Variants in CC2D2B observed in about 807,000 individuals in gnomAD.
CC2D2B encodes the protein coiled-coil and C2 domain containing 2B, also known as protein CC2D2B.
CC2D2B carries 128 observed loss-of-function variants against 161.2 expected under a neutral mutation model. That is an observed-to-expected ratio of 0.79 (90% CI 0.69 to 0.92). The LOEUF is 0.92. Among genes scored for constraint, CC2D2B ranks in the 40% least tolerant of loss-of-function variants. The pLI, the probability that CC2D2B is intolerant of heterozygous loss-of-function variation, is 0.00. For missense variants in CC2D2B, 1,173 were observed against 1,375.1 expected, an observed-to-expected ratio of 0.85 and a Z score of 2.32; for synonymous variants, 391 against 449.8, an observed-to-expected ratio of 0.87 and a Z score of 1.65.
intron 24 of CC2D2B, among the ~76,000 whole-genome samples, chr10:95,997,576 C>A (rs1487977636): frequency 6.6e-6 from 1 of 151,964 alleles, no homozygotes; most frequent in African/African-American, 2.4e-5. Flanking sequence ...TTTTGTAGCA[C>A]TAGGGTCTCA....
intron 25 of CC2D2B, among the ~76,000 whole-genome samples, chr10:96,005,414 C>T (rs925060845): frequency 2.0e-5 from 3 of 152,020 alleles, no homozygotes; most frequent in Non-Finnish European, 4.4e-5. Flanking sequence ...TCTTGTCCTC[C>T]TCTCATGGAC....
chr10:95,917,734 T>A (rs1266633630), intron 2 of CC2D2B, among the ~76,000 whole-genome samples: 3 of 152,212 alleles, frequency 2.0e-5, no homozygotes, highest in African/African-American at 7.2e-5. Flanking sequence ...TTGTTTCTAT[T>A]TATATCTTCT....
chr10:96,029,264 A>ATATATG (rs2079934761), intron 34 of CC2D2B, among the ~76,000 whole-genome samples: 1 of 60,484 alleles, frequency 1.7e-5, no homozygotes, highest in African/African-American at 9.4e-5. Flanking sequence ...ATATATATAT[A>ATATATG]TATATATATA....
At chr10:95,947,043 A>T (rs565116443) in intron 9 of CC2D2B, among the ~76,000 whole-genome samples, 1 of 145,026 alleles carries the variant, frequency 6.9e-6, no homozygotes, top group African/African-American at 2.5e-5. Context: ...GCACATGCAT[A>T]TTCAAACATG....
At chr10:95,978,992 G>C (rs1046229774) in intron 17 of CC2D2B, among the ~76,000 whole-genome samples, 2 of 152,120 alleles carry the variant, frequency 1.3e-5, no homozygotes, top group African/African-American at 4.8e-5. Flanking sequence ...TCATTAAAAT[G>C]TGTTTGGCAG....
intron 30 of CC2D2B, 75 bp from the exon 31 acceptor site, chr10:96,019,128 A>G (rs1742689996): frequency 3.1e-6 from 4 of 1,271,134 alleles, no homozygotes; most frequent in Middle Eastern, 2.7e-4. Flanking sequence ...TAAAAATTAG[A>G]ATCATCACAG....
intron 14 of CC2D2B, among the ~76,000 whole-genome samples, chr10:95,967,115 C>T (rs2076965781): frequency 6.6e-6 from 1 of 152,058 alleles, no homozygotes; most frequent in Admixed American, 6.6e-5. Context: ...TGAATGGATG[C>T]TTACATTAAC....
Position 96,000,145 on chromosome 10 carries a change from T to C in CC2D2B, c.2849+3893T>C, listed in dbSNP as rs2078413540. ...GATGTCTACAATATCACCTTTCTTA[T>C]AGATTCGCATATACATGGCCAAAGG... On this transcript the variant is annotated intron_variant, in intron 24 of 34. Transcript: ENST00000646931. The C allele has an allele frequency of 2.2e-5, 32 of 1,470,504 alleles. 1 individual carries two copies. The South Asian group carries it at 2.7e-4, about 12-fold the overall frequency. The allele number at this position is 1,470,504 out of a possible 1,614,324, so 91.1% of individuals were successfully genotyped here.
At chr10:95,988,602 T>C (rs2077825491) in intron 20 of CC2D2B, among the ~76,000 whole-genome samples, 1 of 152,174 alleles carries the variant, frequency 6.6e-6, no homozygotes, top group Non-Finnish European at 1.5e-5. Flanking sequence ...TCCCATCTCT[T>C]CTTTGACTCT....
intron 34 of CC2D2B, among the ~76,000 whole-genome samples, chr10:96,030,019 C>T (rs560659817): frequency 2.0e-5 from 3 of 152,114 alleles, no homozygotes; most frequent in Admixed American, 2.0e-4. Context: ...CACTATATTG[C>T]CCAGACTGGT....
chr10:95,917,860 C>T (rs2098519496), intron 2 of CC2D2B, among the ~76,000 whole-genome samples: 1 of 152,128 alleles, frequency 6.6e-6, no homozygotes, highest in African/African-American at 2.4e-5. Flanking sequence ...TCACTGCAGC[C>T]TCCACCTCTG....
intron 17 of CC2D2B, among the ~76,000 whole-genome samples, chr10:95,977,148 TC>T (rs1362169767): frequency 1.2e-4 from 19 of 152,242 alleles, no homozygotes; most frequent in African/African-American, 4.1e-4. Flanking sequence ...GGTGGGCAGA[TC>T]ACCTGAAGTC....
intron 34 of CC2D2B, 117 bp from the exon 35 acceptor site, chr10:96,031,703 T>C: frequency 2.2e-6 from 2 of 906,912 alleles, no homozygotes; most frequent in Non-Finnish European, 3.5e-6. Context: ...CACAGACAAC[T>C]ATTATAGTAT....
intron 5 of CC2D2B, among the ~76,000 whole-genome samples, chr10:95,926,848 C>CTCTGTGTG (rs2098539990): frequency 9.4e-6 from 1 of 106,902 alleles, no homozygotes; most frequent in African/African-American, 4.0e-5. Flanking sequence ...GTGTGTGTGT[C>CTCTGTGTG]TGTGTGTGTG....
In CC2D2B at chr10:95,993,851, T is replaced by TATAGAG. The variant is rs756844236; in HGVS notation, c.2642+1155_2642+1156insTAGAGA. 2.1e-4 allele frequency among the ~76,000 whole-genome samples: 21 copies of TATAGAG among 98,072 alleles called. 1 individual carries two copies. The highest frequency in any genetic ancestry group is 3.3e-4 in the Admixed American group (3 of 9,142). The allele number at this position is 98,072 out of a possible 152,430, so 64.3% of individuals were successfully genotyped here. A position where few individuals can be genotyped will look rare whatever the true frequency, so the allele number is the denominator to read the frequency against. ...TAAAGAGTGTATATATATATATATA[T>TATAGAG]AGAGAGAGAGAGAGAGAGAGTGTAT... On this transcript the variant is annotated intron_variant, in intron 22 of 34. Transcript: ENST00000646931.
chr10:95,964,361 A>T (rs2141440565), intron 12 of CC2D2B, among the ~76,000 whole-genome samples: 1 of 152,258 alleles, frequency 6.6e-6, no homozygotes, highest in South Asian at 2.1e-4. Flanking sequence ...TCTAAAAATG[A>T]CTGTTCTAAT....
In CC2D2B at chr10:95,956,313, C is replaced by A. The variant is rs375661403; in HGVS notation, c.1109+822C>A. Among the ~76,000 whole-genome samples, 26 of 151,272 alleles carry A rather than the reference C, an allele frequency of 1.7e-4. No homozygotes were observed. The East Asian group carries it at 4.1e-3, about 24-fold the overall frequency. Reference sequence around the variant, plus strand: ...CACACAAAGACAGCATGAATAAGAGCCAGTAGAAATAATAGAAGGCTCATA... The same window carrying A: ...CACACAAAGACAGCATGAATAAGAGACAGTAGAAATAATAGAAGGCTCATA... On this transcript the variant is annotated intron_variant, in intron 11 of 34. Transcript: ENST00000646931.
chr10:96,014,570 A>T (rs906473576), intron 29 of CC2D2B, among the ~76,000 whole-genome samples: 1 of 152,244 alleles, frequency 6.6e-6, no homozygotes, highest in Non-Finnish European at 1.5e-5. Flanking sequence ...TAAAACAAAC[A>T]AACAACCTTG....
chr10:96,003,586 T>TTTTGTGTGTG (rs367897516), intron 24 of CC2D2B, among the ~76,000 whole-genome samples: 1 of 127,654 alleles, frequency 7.8e-6, no homozygotes, highest in African/African-American at 3.1e-5. Context: ...GCCCGGCTAA[T>TTTTGTGTGTG]TGTGTGTGTG....
Sources: allele counts gnomAD v4.1 joint callset (sites outside exome capture counted in the v4.1 genomes callset), GRCh38; gene constraint gnomAD v4.1.1; transcripts MANE v1.5; gene names NCBI Gene and HGNC (gene_info 2026-07-23, HGNC 2026-07-21).